Variants in CFAP251 observed in about 807,000 individuals in gnomAD.
CFAP251 encodes cilia and flagella associated protein 251.
CFAP251 carries 93 observed loss-of-function variants against 126.7 expected under a neutral mutation model. That is an observed-to-expected ratio of 0.73 (90% confidence interval 0.62 to 0.87). The LOEUF (loss-of-function observed/expected upper bound fraction) is 0.87. Ranked by LOEUF, CFAP251 falls within the 40% of genes least tolerant of loss-of-function variation. The pLI, the probability that CFAP251 is intolerant of heterozygous loss-of-function variation, is 0.00. For synonymous variants in CFAP251, 503 were observed against 506.9 expected (o/e 0.99, Z 0.10); for missense variants, 1,287 against 1,389.2 (o/e 0.93, Z 1.17).
rs1443859805 is a variant in CFAP251 at position 121,949,002 on chromosome 12, C to G, written c.1210C>G (p.Pro404Ala). 9 of 1,577,512 alleles carry G rather than the reference C, an allele frequency of 5.7e-6. No homozygotes were observed. The highest frequency in any genetic ancestry group is 7.8e-6 in the Non-Finnish European group (9 of 1,160,706). The stretch of plus-strand genomic sequence containing the variant: ...ATTTCAGAACTACGTTACTTTTAAC[C>G]CAACAAATAATAAAGAATTGGTGAG... ...YGVQNYVTFN[P>A]TNNKELVSNS... Residue 404 changes from proline (P) to alanine (A), a missense_variant, in exon 8 of 22, where the codon CCA (proline) becomes GCA (alanine). Transcript: ENST00000288912.
At chr12:122,002,942 G>A (rs1228086647) in intron 21 of CFAP251, among the ~76,000 whole-genome samples, 1 of 152,084 alleles carries the variant, frequency 6.6e-6, no homozygotes, top group Non-Finnish European at 1.5e-5. Flanking sequence ...GATAATTTCA[G>A]ACTCCAGTAG....
rs371509088 is a variant in CFAP251 at position 121,979,350 on chromosome 12, C to T, written c.3006+3665C>T. ...AGTGGCATTTTCCAAAGAGTGTTCC[C>T]TAGAACATGGCTTCCCAAACTGGGA... On this transcript the variant is annotated intron_variant, in intron 19 of 21. Transcript: ENST00000288912. 3.9e-5 allele frequency among the ~76,000 whole-genome samples: 6 copies of T among 152,206 alleles called. 1 individual carries two copies. The highest frequency in any genetic ancestry group is 1.3e-4 in the Admixed American group (2 of 15,272).
At chr12:121,964,975 A>T (rs1181875255) in intron 15 of CFAP251, among the ~76,000 whole-genome samples, 3 of 152,258 alleles carry the variant, frequency 2.0e-5, no homozygotes, top group Non-Finnish European at 2.9e-5. Context: ...GTGCTGTGCA[A>T]CCCCCACTGT....
At chr12:121,969,033 C>G (rs901289204) in intron 17 of CFAP251, 1 of 985,098 alleles carries the variant, frequency 1.0e-6, no homozygotes, top group South Asian at 4.7e-5. Flanking sequence ...CTTCTCCAAG[C>G]CCCTGCGCTG....
chr12:121,946,696 C>T (rs1462945540), intron 7 of CFAP251, among the ~76,000 whole-genome samples: 1 of 151,926 alleles, frequency 6.6e-6, no homozygotes, highest in Non-Finnish European at 1.5e-5. Context: ...CTCTTAGGCT[C>T]AAGTGATTTT....
chr12:121,940,235 T>C (rs186373839), intron 5 of CFAP251, among the ~76,000 whole-genome samples: 37 of 152,346 alleles, frequency 2.4e-4, no homozygotes, highest in Admixed American at 1.8e-3. Context: ...ATCACAAATA[T>C]GTTAATAATG....
intron 5 of CFAP251, among the ~76,000 whole-genome samples, chr12:121,938,158 C>G (rs1382341204): frequency 6.6e-6 from 1 of 151,568 alleles, no homozygotes; most frequent in African/African-American, 2.4e-5. Flanking sequence ...ATACATGCCA[C>G]TGAGCCTGGC....
At chr12:121,978,393 CAAAAAAAAAAA>C (rs10642280) in intron 19 of CFAP251, among the ~76,000 whole-genome samples, 1,530 of 42,134 alleles carry the variant, frequency 0.036, 46 homozygotes, top group Non-Finnish European at 0.05. Flanking sequence ...GACTCTGTCT[CAAAAAAAAAAA>C]AAAAAAAAAA....
At chr12:121,949,482 T>TG (rs1881444211) in intron 8 of CFAP251, 1 of 78,036 alleles carries the variant, frequency 1.3e-5, no homozygotes, top group South Asian at 4.8e-4. Flanking sequence ...ATACAGCAGG[T>TG]TTTTTTTTTT....
chr12:122,000,038 C>A, intron 20 of CFAP251, 94 bp downstream of exon 20: 1 of 1,178,294 alleles, frequency 8.5e-7, no homozygotes, highest in East Asian at 2.5e-5. Flanking sequence ...GGAGCTCCAT[C>A]TTTCATGAAA....
chr12:121,943,004 A>G, intron 7 of CFAP251, 29 bp downstream of exon 7: 1 of 1,612,344 alleles, frequency 6.2e-7, no homozygotes, highest in Non-Finnish European at 8.5e-7. Flanking sequence ...TGTAAACATC[A>G]ACCTGAAGTT....
chr12:121,961,432 C>T (rs942968785), intron 14 of CFAP251, among the ~76,000 whole-genome samples: 10 of 151,734 alleles, frequency 6.6e-5, no homozygotes, highest in African/African-American at 2.4e-4. Flanking sequence ...ATCCATTCTG[C>T]CCTGCCCACG....
chr12:121,971,462 A>G (rs1882325595), intron 17 of CFAP251: 3 of 694,628 alleles, frequency 4.3e-6, no homozygotes, highest in South Asian at 1.5e-5. Flanking sequence ...ACCCATTTCC[A>G]TGGCCGTAAT....
intron 19 of CFAP251, among the ~76,000 whole-genome samples, chr12:121,977,995 TAAA>T (rs1316661597): frequency 1.3e-5 from 2 of 151,252 alleles, no homozygotes; most frequent in Non-Finnish European, 2.9e-5. Context: ...AAAAATAAAA[TAAA>T]ATAAAAACAA....
rs71082922 is a variant in CFAP251 at position 121,979,563 on chromosome 12, C to CTTTTT, written c.3006+3893_3006+3897dup. ...GAGATCATTAGTCAGCTTTCTTCTT[C>CTTTTT]TTTTTTTTTTTTTTTTTTTGAGACA... On this transcript the variant is annotated intron_variant, in intron 19 of 21. Coordinates refer to ENST00000288912, the MANE Select transcript of CFAP251 (RefSeq NM_144668.6). Among the ~76,000 whole-genome samples the CTTTTT allele has an allele frequency of 3.5e-4, 30 of 84,996 alleles. 3 individuals carry two copies. The highest frequency in any genetic ancestry group is 5.0e-4 in the South Asian group (1 of 1,996). The allele number at this position is 84,996 out of a possible 152,430, so 55.8% of individuals were successfully genotyped here. A position where few individuals can be genotyped will look rare whatever the true frequency, so the allele number is the denominator to read the frequency against.
At chr12:121,942,127 C>T (rs1881142545) in intron 5 of CFAP251, among the ~76,000 whole-genome samples, 1 of 152,130 alleles carries the variant, frequency 6.6e-6, no homozygotes, top group Non-Finnish European at 1.5e-5. Flanking sequence ...ATAAAACTGA[C>T]CATTTTAAAG....
chr12:121,999,782 A>G lies in CFAP251; in HGVS notation c.3073A>G (p.Ile1025Val), dbSNP rs752011706. The stretch of plus-strand genomic sequence containing the variant: ...GGACACTGGAAAGCTAATCGACAAG[A>G]TCAACTTACCAGATTTCCTAAAAGT... Reference protein sequence around the residue: ...YVDTGKLIDKINLPDFLKVYL... With the variant: ...YVDTGKLIDKVNLPDFLKVYL... Residue 1025 changes from isoleucine to valine, a missense_variant, in exon 20 of 22, where the codon ATC becomes GTC. By Grantham distance (29) the Ile-to-Val change is conservative (BLOSUM62 3). Transcript: ENST00000288912. 2 of 1,613,974 alleles carry G rather than the reference A, an allele frequency of 1.2e-6. No homozygotes were observed. Among genetic ancestry groups the G allele is most frequent in the Non-Finnish European group, 1.7e-6 (2 of 1,179,892 alleles).
intron 19 of CFAP251, among the ~76,000 whole-genome samples, chr12:121,978,400 A>G (rs1363614721): frequency 7.0e-6 from 1 of 142,444 alleles, no homozygotes; most frequent in African/African-American, 2.5e-5. Flanking sequence ...TCTCAAAAAA[A>G]AAAAAAAAAA....
intron 9 of CFAP251, 122 bp downstream of exon 9, chr12:121,951,652 T>C: frequency 1.5e-6 from 1 of 668,136 alleles, no homozygotes. Context: ...GGAAATAATT[T>C]GAAAAATTTT....
Sources: allele counts gnomAD v4.1 joint callset (sites outside exome capture counted in the v4.1 genomes callset), GRCh38; gene constraint gnomAD v4.1.1; transcripts MANE v1.5; gene names NCBI Gene and HGNC (gene_info 2026-07-23, HGNC 2026-07-21).